MSI2: variants seen among roughly 807,000 people sequenced by gnomAD.
MSI2 encodes the protein RNA-binding protein Musashi homolog 2.
In MSI2, 17 loss-of-function variants were observed where a neutral mutation model predicts 45.6. The ratio of observed to expected loss-of-function variants is 0.37; its 90% CI spans 0.26 to 0.56. The LOEUF (loss-of-function observed/expected upper bound fraction) is 0.56, where lower values mean the gene tolerates loss of function less well. Ranked by LOEUF, MSI2 falls within the 20% of genes least tolerant of loss-of-function variation. The pLI is 0.77. For synonymous variants in MSI2, 156 were observed against 158.2 expected (o/e 0.99, Z 0.11); for missense variants, 293 against 444.2 (o/e 0.66, Z 3.06).
chr17:57,560,965 A>G (rs989852467), intron 7 of MSI2, among the ~76,000 whole-genome samples: 2 of 152,232 alleles, frequency 1.3e-5, no homozygotes, highest in Non-Finnish European at 2.9e-5. Flanking sequence ...AAAGCCCACC[A>G]TCCTCCCAGC....
At chr17:57,420,573 C>G (rs2084376740) in intron 6 of MSI2, among the ~76,000 whole-genome samples, 1 of 152,174 alleles carries the variant, frequency 6.6e-6, no homozygotes, top group Admixed American at 6.5e-5. Flanking sequence ...ACTTTCCCAG[C>G]CTGAATTAGA....
At chr17:57,690,965 T>G in the MSI2 span, among the ~76,000 whole-genome samples, 1 of 152,196 alleles carries the variant, frequency 6.6e-6, no homozygotes, top group South Asian at 2.1e-4. Flanking sequence ...CCATTTTGAG[T>G]TAACATTTAT....
chr17:57,588,107 G>T (rs1472937678), intron 7 of MSI2, among the ~76,000 whole-genome samples: 3 of 152,088 alleles, frequency 2.0e-5, no homozygotes, highest in Admixed American at 2.0e-4. Flanking sequence ...TATTTTGGGG[G>T]GAGGGAGGAA....
chr17:57,398,430 A>G (rs2083929696), intron 5 of MSI2, among the ~76,000 whole-genome samples: 1 of 152,264 alleles, frequency 6.6e-6, no homozygotes, highest in Non-Finnish European at 1.5e-5. Flanking sequence ...AAAGGAATGA[A>G]AAATCTAAAA....
At chr17:57,568,228 G>A (rs1279547629) in intron 7 of MSI2, among the ~76,000 whole-genome samples, 1 of 152,128 alleles carries the variant, frequency 6.6e-6, no homozygotes, top group Non-Finnish European at 1.5e-5. Context: ...ATGCCATATA[G>A]AAAATGAAAG....
intron 6 of MSI2, among the ~76,000 whole-genome samples, chr17:57,515,565 T>C (rs2086454142): frequency 6.6e-6 from 1 of 152,202 alleles, no homozygotes; most frequent in South Asian, 2.1e-4. Flanking sequence ...TACGCACTTA[T>C]TGGACGCTTA....
At chr17:57,651,468 T>C (rs1319955165) in intron 10 of MSI2, among the ~76,000 whole-genome samples, 1 of 151,892 alleles carries the variant, frequency 6.6e-6, no homozygotes, top group African/African-American at 2.4e-5. Context: ...CCTATCTGGC[T>C]CCATGTGTAT....
chr17:57,467,672 T>C (rs2085352820), intron 6 of MSI2, among the ~76,000 whole-genome samples: 1 of 152,098 alleles, frequency 6.6e-6, no homozygotes, highest in Non-Finnish European at 1.5e-5. Context: ...GGGCATTCCC[T>C]GGGCCTGCCC....
intron 5 of MSI2, among the ~76,000 whole-genome samples, chr17:57,346,005 A>G (rs1915566505): frequency 6.6e-6 from 1 of 152,160 alleles, no homozygotes; most frequent in Admixed American, 6.5e-5. Context: ...GCGGTTGAAC[A>G]AGACGGAGAA....
chr17:57,614,296 GC>G (rs1230417776), intron 8 of MSI2, among the ~76,000 whole-genome samples: 1 of 152,134 alleles, frequency 6.6e-6, no homozygotes, highest in Non-Finnish European at 1.5e-5. Flanking sequence ...CAAGCAGTCT[GC>G]CTGCCTTAGC....
At chr17:57,362,823 G>T (rs792373) in intron 5 of MSI2, among the ~76,000 whole-genome samples, 2,016 of 152,232 alleles carry the variant, frequency 0.013, 45 homozygotes, top group African/African-American at 0.046. Context: ...AGAGTCAGGA[G>T]ATGCGATGTT....
intron 5 of MSI2, chr17:57,262,436 G>A (rs1466376421): frequency 2.1e-5 from 9 of 421,302 alleles, no homozygotes; most frequent in Non-Finnish European, 2.9e-5. Flanking sequence ...GGGAGGACGT[G>A]TTTCCATCGA....
intron 6 of MSI2, among the ~76,000 whole-genome samples, chr17:57,471,346 A>G (rs2085433957): frequency 7.5e-6 from 1 of 132,920 alleles, no homozygotes; most frequent in East Asian, 2.2e-4. Flanking sequence ...GCTGGAGTGC[A>G]GTGGTACAAT....
rs71140002 is a variant in MSI2 at position 57,507,225 on chromosome 17, CTGTGTGTGTGTGTGTGTG to C, written c.406-22413_406-22396del. Among the ~76,000 whole-genome samples the C allele has an allele frequency of 2.6e-3, 132 of 51,220 alleles. 5 individuals are homozygous for C. The highest frequency in any genetic ancestry group is 0.011 in the Middle Eastern group (1 of 90). The allele number at this position is 51,220 out of a possible 152,430, so 33.6% of individuals were successfully genotyped here. A position where few individuals can be genotyped will look rare whatever the true frequency, so the allele number is the denominator to read the frequency against. ...CCCATTGGTTTTTGTCTTTGTCTCTCTGTGTGTGTGTGTGTGTGTGTGTGTGTGTGTGTGTGTGTGTGT... is the reference window on the plus strand; with the variant it reads ...CCCATTGGTTTTTGTCTTTGTCTCTCTGTGTGTGTGTGTGTGTGTGTGTGT... On this transcript the variant is annotated intron_variant, in intron 6 of 13. Coordinates refer to ENST00000284073, the MANE Select transcript of MSI2 (RefSeq NM_138962.4).
intron 12 of MSI2, 146 bp from the exon 13 acceptor site, chr17:57,676,841 T>G (rs1913270007): frequency 4.3e-6 from 3 of 693,962 alleles, no homozygotes; most frequent in Non-Finnish European, 8.0e-6. Flanking sequence ...GATGTCATCC[T>G]GGCCCCTCAT....
intron 7 of MSI2, among the ~76,000 whole-genome samples, chr17:57,578,908 A>G (rs1567912818): frequency 6.6e-6 from 1 of 151,888 alleles, no homozygotes; most frequent in Non-Finnish European, 1.5e-5. Flanking sequence ...CATTTTTCCC[A>G]TTGTAAACAG....
At chr17:57,626,737 C>G (rs866353933) in intron 9 of MSI2, 1 of 161,582 alleles carries the variant, frequency 6.2e-6, no homozygotes, top group African/African-American at 2.4e-5. Flanking sequence ...TCAGGCCCAG[C>G]GTTTTCCAGA....
chr17:57,446,751 G>A (rs2084907394), intron 6 of MSI2, among the ~76,000 whole-genome samples: 1 of 152,242 alleles, frequency 6.6e-6, no homozygotes, highest in African/African-American at 2.4e-5. Context: ...TCTGAAGGAT[G>A]AGTGGGAGTT....
At chr17:57,442,669 G>A (rs1246919711) in intron 6 of MSI2, among the ~76,000 whole-genome samples, 2 of 152,180 alleles carry the variant, frequency 1.3e-5, no homozygotes, top group East Asian at 3.9e-4. Flanking sequence ...AAAATCAAGA[G>A]GGGTTGCTGA....
Sources: allele counts gnomAD v4.1 joint callset (sites outside exome capture counted in the v4.1 genomes callset), GRCh38; gene constraint gnomAD v4.1.1; transcripts MANE v1.5; gene names NCBI Gene and HGNC (gene_info 2026-07-23, HGNC 2026-07-21).